Variants in KBTBD12 observed in about 807,000 individuals in gnomAD.
The protein encoded by KBTBD12 is kelch repeat and BTB domain containing 12.
A neutral mutation model predicts 58.7 loss-of-function variants in KBTBD12; 53 were observed. The observed-to-expected ratio is 0.90, with a 90% CI of 0.72 to 1.14. KBTBD12 has a LOEUF of 1.14. KBTBD12 is among the 50% of genes most tolerant of loss of function. KBTBD12 has a pLI of 0.00. For synonymous variants in KBTBD12, 236 were observed against 259.8 expected (o/e 0.91, Z 0.88); for missense variants, 704 against 751.3 (o/e 0.94, Z 0.74).
chr3:127,976,963 T>C (rs1277200079), intron 5 of KBTBD12, among the ~76,000 whole-genome samples: 1 of 152,150 alleles, frequency 6.6e-6, no homozygotes, highest in Non-Finnish European at 1.5e-5. Context: ...TCATCCAGTT[T>C]CTTGATCCTC....
At chr3:127,921,490 C>T (rs770940224) in intron 1 of KBTBD12, among the ~76,000 whole-genome samples, 10 of 152,188 alleles carry the variant, frequency 6.6e-5, no homozygotes, top group Admixed American at 1.3e-4. Flanking sequence ...ATGTACAATG[C>T]GAGTGTCTTC....
chr3:127,974,623 C>G (rs935080088), intron 5 of KBTBD12, among the ~76,000 whole-genome samples: 2 of 152,200 alleles, frequency 1.3e-5, no homozygotes, highest in African/African-American at 4.8e-5. Flanking sequence ...GTTCCCTGTT[C>G]CATACATCTG....
chr3:127,930,175 C>T lies in KBTBD12; in HGVS notation c.1384C>T (p.Leu462=). The T allele has an allele frequency of 6.2e-7, 1 of 1,601,784 alleles. No individual in the cohort carries two copies. The part of the protein sequence containing the change: ...DEEPDRLSNK[L]LQYDPSQDQW... ...AGAACCTGATCGATTAAGCAACAAA[C>T]TGTTGCAGTATGACCCCAGCCAAGA... Residue 462 remains leucine (L), a synonymous_variant, in exon 4 of 6, where the codon CTG becomes TTG. Coordinates refer to ENST00000405109, the MANE Select transcript of KBTBD12 (RefSeq NM_207335.4).
At chr3:127,958,187 G>A (rs1038024139) in intron 4 of KBTBD12, among the ~76,000 whole-genome samples, 48 of 152,144 alleles carry the variant, frequency 3.2e-4, no homozygotes. Context: ...CCAAGACTTG[G>A]TGTCTGTAGG....
rs755756292 is a variant in KBTBD12, at chr3:127,984,873, CTG to C, written c.*598_*599del. 2.2e-4 allele frequency: 33 copies of C among 152,502 alleles called. 1 individual carries two copies. The highest frequency in any genetic ancestry group is 7.5e-4 in the African/African-American group (31 of 41,582). 9.4% of individuals were successfully genotyped at this position (152,502 alleles called of 1,614,324 possible). A position where few individuals can be genotyped will look rare whatever the true frequency, so the allele number is the denominator to read the frequency against. ...ATCGTGCATTAAGGGAGACTTCTCT[CTG>C]TGCTCTGTTCCAGCTTCAGTCTTAT... On this transcript the variant is annotated 3_prime_UTR_variant, in exon 6 of 6. Coordinates refer to ENST00000405109, the MANE Select transcript of KBTBD12 (RefSeq NM_207335.4).
rs1940927518 is a variant in KBTBD12, at chr3:127,984,253, T to G, written c.1847T>G (p.Leu616Trp). The G allele has an allele frequency of 6.2e-7, 1 of 1,613,506 alleles. No homozygotes were observed. The highest frequency in any genetic ancestry group is 8.5e-7 in the Non-Finnish European group (1 of 1,179,790). The change falls in exon 6 of 6, where the codon TTG (leucine) becomes TGG (tryptophan). Residue 616 changes from leucine to tryptophan, a missense_variant. Transcript: ENST00000405109. ...GACCTCATCCCCCCGCCTTCAGATT[T>G]GGTGGAAGAAGGCAATGAGCACTAA... The part of the protein sequence containing the change: ...PRDLIPPPSD[L>W]VEEGNEH
chr3:127,944,981 G>T (rs1940040547), intron 4 of KBTBD12, among the ~76,000 whole-genome samples: 2 of 151,312 alleles, frequency 1.3e-5, no homozygotes, highest in South Asian at 4.2e-4. Context: ...CCCAGGCTCA[G>T]GTGCTCTTCC....
chr3:127,969,313 A>G (rs770823642), intron 5 of KBTBD12, among the ~76,000 whole-genome samples: 9 of 152,186 alleles, frequency 5.9e-5, no homozygotes, highest in Non-Finnish European at 1.3e-4. Flanking sequence ...TAAGAAAACA[A>G]TTCTATTTAC....
intron 4 of KBTBD12, among the ~76,000 whole-genome samples, chr3:127,953,798 GATTGCTCAAGTGACTCC>G (rs1940260900): frequency 6.6e-6 from 1 of 152,194 alleles, no homozygotes; most frequent in Admixed American, 6.5e-5. Context: ...GATATGGCCA[GATTGCTCAAGTGACTCC>G]ATTGCTCATG....
At chr3:127,955,855 C>T (rs976207744) in intron 4 of KBTBD12, among the ~76,000 whole-genome samples, 5 of 152,200 alleles carry the variant, frequency 3.3e-5, no homozygotes, top group African/African-American at 1.2e-4. Flanking sequence ...TAAACAGCAT[C>T]ATTGTGTACT....
intron 4 of KBTBD12, among the ~76,000 whole-genome samples, chr3:127,941,514 G>C (rs777148831): frequency 6.6e-6 from 1 of 152,130 alleles, no homozygotes; most frequent in Admixed American, 6.5e-5. Flanking sequence ...AAGAAGATAC[G>C]AGAATTTCCT....
chr3:127,918,295 G>C (rs1311086166), intron 1 of KBTBD12, among the ~76,000 whole-genome samples: 1 of 152,210 alleles, frequency 6.6e-6, no homozygotes, highest in Non-Finnish European at 1.5e-5. Context: ...CACAACACAG[G>C]CAAGAAAGCA....
chr3:127,927,819 G>A lies in KBTBD12; in HGVS notation c.1126G>A (p.Glu376Lys), dbSNP rs779315697. 6.3e-7 allele frequency: 1 copy of A among 1,595,062 alleles called. No individual in the cohort carries two copies. Among genetic ancestry groups the A allele is most frequent in the East Asian group, 2.2e-5 (1 of 44,698 alleles). Residue 376 changes from glutamate (E) to lysine (K), a missense_variant, in exon 3 of 6, where the codon GAA becomes AAA. Physicochemically the swap from Glu to Lys is moderately conservative, Grantham distance 56. Transcript: ENST00000405109. ...AAAGTTATGCACAGCTGAATTTCGA[G>A]AACTCTATGCTCTGGGCAGTATTCA... is the stretch of plus-strand genomic sequence containing the variant. The part of the protein sequence containing the change: ...WEKLCTAEFR[E>K]LYALGSIHND...
chr3:127,965,531 A>G (rs1940546662), intron 5 of KBTBD12, among the ~76,000 whole-genome samples: 1 of 152,234 alleles, frequency 6.6e-6, no homozygotes, highest in Non-Finnish European at 1.5e-5. Flanking sequence ...TGTGACACAG[A>G]CCTACTTGTC....
Position 127,923,036 on chromosome 3 carries a change from T to A in KBTBD12, c.-26T>A. 7.2e-7 allele frequency: 1 copy of A among 1,386,322 alleles called. No individual in the cohort carries two copies. The highest frequency in any genetic ancestry group is 1.4e-5 in the African/African-American group (1 of 69,682). The allele number at this position is 1,386,322 out of a possible 1,614,324, so 85.9% of individuals were successfully genotyped here. ...AATCAAGCTACACTTAAAGAAGACT[T>A]AGTTGGAAACTTTGGAGAGTAGATC... On this transcript the variant is annotated 5_prime_UTR_variant, in exon 2 of 6. Transcript: ENST00000405109.
At position 127,968,655 on chromosome 3, in the gene KBTBD12, C is replaced by T. The variant is rs150251683; in HGVS notation, c.1690+5269C>T. On this transcript the variant is annotated intron_variant, in intron 5 of 5. Coordinates refer to ENST00000405109, the MANE Select transcript of KBTBD12 (RefSeq NM_207335.4). ...GGAGGGAGAGCATCAGGAAGAACAG[C>T]TAATGGATGCTGTGCTTAATACCTA... Among the ~76,000 whole-genome samples the T allele has an allele frequency of 1.5e-3, 229 of 152,244 alleles. 1 individual carries two copies. The highest frequency in any genetic ancestry group is 5.1e-3 in the African/African-American group (212 of 41,542).
At chr3:127,960,368 A>T (rs1169718709) in intron 4 of KBTBD12, among the ~76,000 whole-genome samples, 2 of 152,238 alleles carry the variant, frequency 1.3e-5, no homozygotes, top group African/African-American at 4.8e-5. Flanking sequence ...ATAAATAAAT[A>T]AAAACCAGGG....
intron 3 of KBTBD12, 36 bp from the exon 4 acceptor site, chr3:127,930,097 G>T (rs749413232): frequency 1.1e-4 from 162 of 1,540,490 alleles, no homozygotes; most frequent in Non-Finnish European, 1.3e-4. Context: ...ATTGCTAAAT[G>T]ATATGTTATT....
chr3:127,923,220 C>A lies in KBTBD12; in HGVS notation c.159C>A (p.Ser53Arg), dbSNP rs759543891. 2.5e-6 allele frequency: 4 copies of A among 1,613,646 alleles called. No individual in the cohort carries two copies. Among genetic ancestry groups the A allele is most frequent in the Non-Finnish European group, 3.4e-6 (4 of 1,179,762 alleles). The change falls in exon 2 of 6, where the codon AGC becomes AGA. Residue 53 changes from serine (S) to arginine (R), a missense_variant. Coordinates refer to ENST00000405109, the MANE Select transcript of KBTBD12 (RefSeq NM_207335.4). ...PCHRLVLAAFSPYFKAMFTCG... is the reference protein window; with the variant it reads ...PCHRLVLAAFRPYFKAMFTCG... ...ACAGACTGGTCCTGGCTGCATTTAG[C>A]CCTTATTTCAAAGCTATGTTCACCT...
Sources: gnomAD v4.1 joint callset for allele counts (sites outside exome capture counted in the v4.1 genomes callset) on GRCh38, gnomAD v4.1.1 for gene constraint, MANE v1.5 for transcripts, NCBI Gene and HGNC (gene_info 2026-07-23, HGNC 2026-07-21) for gene names.